Variants in LINGO2 observed in about 807,000 individuals in gnomAD.
LINGO2 encodes leucine rich repeat and Ig domain containing 2.
LINGO2 carries 14 observed loss-of-function variants against 30.6 expected under a neutral mutation model. The observed-to-expected ratio is 0.46, with a 90% confidence interval of 0.30 to 0.72. The LOEUF is 0.72. Among genes scored for constraint, LINGO2 ranks in the 30% least tolerant of loss-of-function variants. LINGO2 has a pLI of 0.07. For synonymous variants in LINGO2, 317 were observed against 288.5 expected (o/e 1.10, Z -1.00); for missense variants, 729 against 751.7 (o/e 0.97, Z 0.35).
the LINGO2 span, among the ~76,000 whole-genome samples, chr9:28,864,355 T>C: frequency 4.1e-4 from 63 of 152,224 alleles, 1 homozygote; most frequent in African/African-American, 1.5e-3. Flanking sequence ...TAAAACTAAA[T>C]TCTATATTAT....
chr9:28,508,062 T>C (rs983937090), intron 1 of LINGO2, among the ~76,000 whole-genome samples: 2 of 152,096 alleles, frequency 1.3e-5, no homozygotes, highest in Non-Finnish European at 2.9e-5. Context: ...TCTGGGTTCA[T>C]TCCAATTTCT....
At chr9:28,286,705 A>G (rs10968437) in intron 4 of LINGO2, among the ~76,000 whole-genome samples, 8,214 of 152,300 alleles carry the variant, frequency 0.054, 271 homozygotes, top group South Asian at 0.12. Flanking sequence ...AAACTAACAC[A>G]GGAATAGAAA....
chr9:29,038,967 G>T, the LINGO2 span, among the ~76,000 whole-genome samples: 1 of 152,196 alleles, frequency 6.6e-6, no homozygotes, highest in Admixed American at 6.6e-5. Flanking sequence ...GGCTTTAACT[G>T]GGTGCACATT....
chr9:28,628,403 C>T (rs1196693898), intron 1 of LINGO2, among the ~76,000 whole-genome samples: 1 of 152,064 alleles, frequency 6.6e-6, no homozygotes, highest in Non-Finnish European at 1.5e-5. Context: ...AAAACAAATG[C>T]TACTTGCAGA....
rs536494160 is a variant in LINGO2 at position 28,321,486 on chromosome 9, T to C, written c.-245-26120A>G. ...CATAACAGTAATGGAGGGCCTACTA[T>C]GTGCCAGTGAATTGATGTGCTGTAT... On this transcript the variant is annotated intron_variant, in intron 3 of 5. Coordinates refer to ENST00000379992, the Ensembl canonical transcript of LINGO2. Among the ~76,000 whole-genome samples, 746 of 152,336 alleles carry C rather than the reference T, an allele frequency of 4.9e-3. 4 individuals carry two copies. The highest frequency in any genetic ancestry group is 8.7e-3 in the Non-Finnish European group (591 of 68,020).
At chr9:28,369,177 A>G (rs1258481988) in intron 3 of LINGO2, among the ~76,000 whole-genome samples, 1 of 151,830 alleles carries the variant, frequency 6.6e-6, no homozygotes, top group Non-Finnish European at 1.5e-5. Flanking sequence ...ACTCCTTTTC[A>G]TTATTATTAC....
chr9:29,134,886 TC>T, the LINGO2 span, among the ~76,000 whole-genome samples: 1 of 152,056 alleles, frequency 6.6e-6, no homozygotes, highest in South Asian at 2.1e-4. Flanking sequence ...TATATTATCT[TC>T]CAGAAATGGT....
chr9:28,425,226 C>T (rs1823355165), intron 2 of LINGO2, among the ~76,000 whole-genome samples: 1 of 147,548 alleles, frequency 6.8e-6, no homozygotes, highest in Admixed American at 6.8e-5. Flanking sequence ...AATAATTGCA[C>T]ATAAGTATAT....
the LINGO2 span, among the ~76,000 whole-genome samples, chr9:28,742,762 G>T: frequency 2.0e-5 from 3 of 150,888 alleles, no homozygotes; most frequent in Admixed American, 6.6e-5. Context: ...ACCTTTTCTG[G>T]TTCTCTTAGT....
chr9:28,214,180 C>A (rs947055890), intron 4 of LINGO2, among the ~76,000 whole-genome samples: 10 of 151,532 alleles, frequency 6.6e-5, no homozygotes, highest in Non-Finnish European at 1.2e-4. Flanking sequence ...CATAGTAAAT[C>A]TAAACTTTGC....
the LINGO2 span, among the ~76,000 whole-genome samples, chr9:29,191,361 A>C: frequency 0.033 from 5,057 of 152,284 alleles, 267 homozygotes; most frequent in African/African-American, 0.11. Flanking sequence ...TTTCAGTTCC[A>C]AATAGACTTT....
At chr9:28,778,159 A>G in the LINGO2 span, among the ~76,000 whole-genome samples, 10,292 of 152,166 alleles carry the variant, frequency 0.068, 1,152 homozygotes, top group African/African-American at 0.23. Context: ...CAGTTCCTTC[A>G]TTGGGTTAAT....
chr9:29,065,009 G>C, the LINGO2 span, among the ~76,000 whole-genome samples: 2 of 152,190 alleles, frequency 1.3e-5, no homozygotes, highest in Admixed American at 1.3e-4. Flanking sequence ...TCAAGAGAAA[G>C]GACCACAGGT....
intron 2 of LINGO2, among the ~76,000 whole-genome samples, chr9:28,462,790 T>G (rs750159990): frequency 2.6e-5 from 4 of 152,060 alleles, no homozygotes; most frequent in African/African-American, 9.7e-5. Context: ...TGTGGATTCA[T>G]AGAGTAACTT....
chr9:28,723,792 G>T, the LINGO2 span, among the ~76,000 whole-genome samples: 1 of 151,960 alleles, frequency 6.6e-6, no homozygotes, highest in African/African-American at 2.4e-5. Flanking sequence ...TATGGAAATA[G>T]GTATGTTGCA....
intron 4 of LINGO2, among the ~76,000 whole-genome samples, chr9:28,193,741 A>C (rs1405780750): frequency 6.6e-6 from 1 of 152,234 alleles, no homozygotes; most frequent in African/African-American, 2.4e-5. Context: ...CAAACTGAGA[A>C]AGAACTTTTG....
intron 3 of LINGO2, among the ~76,000 whole-genome samples, chr9:28,303,534 C>T (rs544724989): frequency 3.3e-5 from 5 of 152,196 alleles, no homozygotes; most frequent in African/African-American, 1.2e-4. Context: ...ATATTTGACT[C>T]CCCCAAAACT....
intron 4 of LINGO2, among the ~76,000 whole-genome samples, chr9:28,217,492 G>A (rs1286905196): frequency 6.6e-6 from 1 of 152,006 alleles, no homozygotes; most frequent in Non-Finnish European, 1.5e-5. Flanking sequence ...ATACCCTTAT[G>A]CATGACTGTT....
At chr9:28,606,053 G>A (rs1277490487) in intron 1 of LINGO2, among the ~76,000 whole-genome samples, 6 of 151,704 alleles carry the variant, frequency 4.0e-5, no homozygotes, top group Admixed American at 4.0e-4. Flanking sequence ...TTCACATTGT[G>A]TTTCAAGGAT....
Sources: gnomAD v4.1 joint callset for allele counts (sites outside exome capture counted in the v4.1 genomes callset) on GRCh38, gnomAD v4.1.1 for gene constraint, MANE v1.5 for transcripts, NCBI Gene and HGNC (gene_info 2026-07-23, HGNC 2026-07-21) for gene names.